The following NXN variants were observed in gnomAD, a reference collection of about 807,000 sequenced individuals.
NXN encodes nucleoredoxin.
A neutral mutation model predicts 48.6 loss-of-function variants in NXN; 16 were observed. The ratio of observed to expected loss-of-function variants is 0.33; its 90% CI spans 0.22 to 0.50. The LOEUF (loss-of-function observed/expected upper bound fraction) is 0.50. Among genes scored for constraint, NXN ranks in the 20% least tolerant of loss-of-function variants. The pLI, the probability that NXN is intolerant of heterozygous loss-of-function variation, is 0.98. For synonymous variants in NXN, 281 were observed against 269.6 expected (o/e 1.04, Z -0.41); for missense variants, 492 against 605.5 (o/e 0.81, Z 1.97).
chr17:803,481 G>C (rs1253051594), intron 7 of NXN, among the ~76,000 whole-genome samples: 1 of 152,206 alleles, frequency 6.6e-6, no homozygotes, highest in Non-Finnish European at 1.5e-5. Context: ...AGCATGGACG[G>C]GAAGAGGAAG....
At chr17:939,611 G>A (rs2068947518) in intron 1 of NXN, among the ~76,000 whole-genome samples, 1 of 152,168 alleles carries the variant, frequency 6.6e-6, no homozygotes, top group Admixed American at 6.6e-5. Flanking sequence ...CTCCCAAAGT[G>A]CTGGGATTAC....
chr17:900,913 CTTTTTTTTT>C (rs11367844), intron 1 of NXN, among the ~76,000 whole-genome samples: 2 of 75,876 alleles, frequency 2.6e-5, no homozygotes, highest in Non-Finnish European at 5.0e-5. Flanking sequence ...GATCTGCATT[CTTTTTTTTT>C]TTTTTTTTTT....
At chr17:804,326 A>G (rs1414598841) in intron 6 of NXN, among the ~76,000 whole-genome samples, 1 of 121,784 alleles carries the variant, frequency 8.2e-6, no homozygotes, top group Non-Finnish European at 1.6e-5. Context: ...TCTGTTGCCC[A>G]GGCTGGAGTG....
At chr17:827,332 G>T (rs1597635886) in intron 1 of NXN, among the ~76,000 whole-genome samples, 1 of 147,792 alleles carries the variant, frequency 6.8e-6, no homozygotes, top group Non-Finnish European at 1.5e-5. Context: ...CAAAAAATTA[G>T]CTGGACGTGG....
chr17:876,179 CAGAAAAGAAAGAAAAAAA>C (rs1446913169), intron 1 of NXN, among the ~76,000 whole-genome samples: 1 of 123,868 alleles, frequency 8.1e-6, no homozygotes, highest in Non-Finnish European at 1.7e-5. Context: ...AAGAATCCAT[CAGAAAAGAAAGAAAAAAA>C]AGAAAAGAAA....
chr17:841,512 C>T (rs1914250502), intron 1 of NXN, among the ~76,000 whole-genome samples: 9 of 131,542 alleles, frequency 6.8e-5, no homozygotes, highest in Non-Finnish European at 8.7e-5. Flanking sequence ...CTCACACGGG[C>T]GAGCAGGTCC....
rs551321470 is a variant in NXN at position 955,851 on chromosome 17, G to A, written c.360+23468C>T. 4.0e-4 allele frequency among the ~76,000 whole-genome samples: 60 copies of A among 151,508 alleles called. 1 individual carries two copies. Among genetic ancestry groups the A allele is most frequent in the Non-Finnish European group, 5.7e-4 (39 of 67,888 alleles). On this transcript the variant is annotated intron_variant, in intron 1 of 7. Transcript: ENST00000336868. ...CGGGAGGCGGAGCTTGCAGTGAGCC[G>A]AGATTGTGCCACTGCACTCCAGCCT...
rs1383015876 is a variant in NXN at position 813,538 on chromosome 17, C to T, written c.820+5901G>A. On this transcript the variant is annotated intron_variant, in intron 5 of 7. Coordinates refer to ENST00000336868, the MANE Select transcript of NXN (RefSeq NM_022463.5). The stretch of plus-strand genomic sequence containing the variant: ...GAATGATATAATGATTTCCTTAATA[C>T]GTGAGCATCTTTCAAAACTAGGAGG... Among the ~76,000 whole-genome samples, 6 of 152,360 alleles carry T rather than the reference C, an allele frequency of 3.9e-5. No homozygotes were observed. The East Asian group carries it at 5.8e-4, about 15-fold the overall frequency.
At chr17:841,488 T>G in intron 1 of NXN, among the ~76,000 whole-genome samples, 1 of 31,068 alleles carries the variant, frequency 3.2e-5, no homozygotes, top group South Asian at 8.8e-4. Flanking sequence ...AGGTCCCCCC[T>G]GACCACGGCG....
intron 1 of NXN, among the ~76,000 whole-genome samples, chr17:886,813 T>G (rs183749824): frequency 6.6e-6 from 1 of 151,960 alleles, no homozygotes. Context: ...TACCTCTTAC[T>G]ACACTGGATG....
At chr17:878,481 T>G (rs1344010402) in intron 1 of NXN, among the ~76,000 whole-genome samples, 1 of 6,318 alleles carries the variant, frequency 1.6e-4, no homozygotes, top group South Asian at 5.4e-3. Flanking sequence ...AGGTGGGGTG[T>G]GGGGGCAGGG....
Position 818,624 on chromosome 17 carries a change from G to A in NXN, c.820+815C>T, listed in dbSNP as rs907700016. Among the ~76,000 whole-genome samples the A allele has an allele frequency of 6.6e-5, 10 of 152,252 alleles. No homozygotes were observed. The South Asian group carries it at 8.3e-4, about 13-fold the overall frequency. On this transcript the variant is annotated intron_variant, in intron 5 of 7. Coordinates refer to ENST00000336868, the MANE Select transcript of NXN (RefSeq NM_022463.5). ...CCATGGGCCGGGTGCAGTGGCTCAC[G>A]CCTGTCATCCCAGCACTTTGGGAGG...
At chr17:914,054 C>A (rs1434876996) in intron 1 of NXN, among the ~76,000 whole-genome samples, 1 of 152,286 alleles carries the variant, frequency 6.6e-6, no homozygotes, top group East Asian at 1.9e-4. Flanking sequence ...CACCCACCAC[C>A]ACACCCAGCT....
intron 1 of NXN, among the ~76,000 whole-genome samples, chr17:936,795 G>C (rs2068912930): frequency 1.3e-5 from 2 of 150,522 alleles, no homozygotes. Flanking sequence ...TTACAGTTAA[G>C]TCACACTTCC....
intron 3 of NXN, 61 bp from the exon 4 acceptor site, chr17:822,518 AC>A: frequency 1.6e-6 from 2 of 1,277,600 alleles, no homozygotes; most frequent in Non-Finnish European, 2.3e-6. Context: ...CCAGCCACTC[AC>A]CATCCAAGGC....
chr17:824,787 C>A (rs1597632748), intron 2 of NXN, among the ~76,000 whole-genome samples: 1 of 152,218 alleles, frequency 6.6e-6, no homozygotes, highest in African/African-American at 2.4e-5. Context: ...CTCAACTGAA[C>A]CACGTTTTCT....
intron 1 of NXN, among the ~76,000 whole-genome samples, chr17:929,100 CTT>C (rs1447206900): frequency 6.6e-6 from 1 of 152,206 alleles, no homozygotes; most frequent in African/African-American, 2.4e-5. Flanking sequence ...GCATGTAAAA[CTT>C]AACTAGCTTC....
chr17:826,987 C>T (rs367641945), intron 1 of NXN, among the ~76,000 whole-genome samples: 5 of 152,220 alleles, frequency 3.3e-5, no homozygotes, highest in African/African-American at 7.2e-5. Flanking sequence ...TCACTGCCGT[C>T]GGGGTGAACG....
At chr17:921,450 G>C (rs139966600) in intron 1 of NXN, among the ~76,000 whole-genome samples, 4 of 152,042 alleles carry the variant, frequency 2.6e-5, no homozygotes, top group African/African-American at 9.7e-5. Context: ...TCCTCGAAAC[G>C]CTTCCCGCAC....
Sources: allele counts gnomAD v4.1 joint callset (sites outside exome capture counted in the v4.1 genomes callset), GRCh38; gene constraint gnomAD v4.1.1; transcripts MANE v1.5; gene names NCBI Gene and HGNC (gene_info 2026-07-23, HGNC 2026-07-21).